The following GRM8 variants were observed in gnomAD, a reference collection of about 807,000 sequenced individuals.
The protein encoded by GRM8 is metabotropic glutamate receptor 8.
GRM8 carries 47 observed loss-of-function variants against 87.2 expected under a neutral mutation model. That is an observed-to-expected ratio of 0.54 (90% CI 0.43 to 0.69). The LOEUF (loss-of-function observed/expected upper bound fraction) is 0.69. GRM8 is among the 30% of genes least tolerant of loss of function. The probability of loss-of-function intolerance (pLI) is 0.00; values close to 1 mark genes in which losing one functional copy is unlikely to be tolerated. For missense variants in GRM8, 1,019 were observed against 1,139.2 expected, an observed-to-expected ratio of 0.89 and a Z score of 1.52; for synonymous variants, 396 against 404.5, an observed-to-expected ratio of 0.98 and a Z score of 0.25.
chr7:126,951,142 A>AT (rs1808098387), intron 3 of GRM8, among the ~76,000 whole-genome samples: 3 of 152,238 alleles, frequency 2.0e-5, no homozygotes, highest in African/African-American at 7.2e-5. Context: ...AGGTAAAAAA[A>AT]GCTAAGTGCA....
In GRM8 at chr7:127,147,231, C is replaced by T. The variant is rs556447969; in HGVS notation, c.511-40519G>A. Among the ~76,000 whole-genome samples the T allele has an allele frequency of 3.3e-5, 5 of 152,048 alleles. No homozygotes were observed. In the East Asian group the frequency reaches 7.8e-4, roughly 24 times the overall value. ...AGCCTCAGAGAGCTAATCAATGTTT[C>T]CCAAGAAGTCTGAACCCCACCACCA... On this transcript the variant is annotated intron_variant, in intron 2 of 10. Coordinates refer to ENST00000339582, the MANE Select transcript of GRM8 (RefSeq NM_000845.3).
At chr7:126,522,420 A>G (rs183924044) in intron 9 of GRM8, among the ~76,000 whole-genome samples, 23 of 152,316 alleles carry the variant, frequency 1.5e-4, no homozygotes, top group Non-Finnish European at 1.0e-4. Context: ...GGTTAAATAT[A>G]CTCGAATCCC....
chr7:127,067,751 C>T lies in GRM8; in HGVS notation c.727+38745G>A, dbSNP rs1035030654. ...ATTTCTTTTATAGCAAAAGTAAACT[C>T]AATCCAATTTAGAATAGTATGTCAG... is the stretch of plus-strand genomic sequence containing the variant. On this transcript the variant is annotated intron_variant, in intron 3 of 10. Transcript: ENST00000339582. Among the ~76,000 whole-genome samples the T allele has an allele frequency of 2.0e-5, 3 of 152,140 alleles. No homozygotes were observed. In the South Asian group the frequency reaches 6.2e-4, roughly 32 times the overall value.
chr7:126,564,891 A>G (rs371047648), intron 8 of GRM8, among the ~76,000 whole-genome samples: 2 of 152,204 alleles, frequency 1.3e-5, no homozygotes, highest in East Asian at 3.8e-4. Flanking sequence ...GCCAATTGGG[A>G]TTTATCCCTG....
chr7:126,953,751 C>A (rs184662344), intron 3 of GRM8, among the ~76,000 whole-genome samples: 19 of 152,162 alleles, frequency 1.2e-4, no homozygotes, highest in Admixed American at 9.2e-4. Context: ...AATGAAGCCT[C>A]CAAGCAACAA....
intron 3 of GRM8, among the ~76,000 whole-genome samples, chr7:127,017,909 GA>G (rs1173670499): frequency 6.6e-6 from 1 of 151,612 alleles, no homozygotes; most frequent in Admixed American, 6.6e-5. Flanking sequence ...TTTTAAAAAA[GA>G]AAAAACAGGA....
chr7:127,112,203 C>T (rs1016816343), intron 2 of GRM8: 2 of 152,164 alleles, frequency 1.3e-5, no homozygotes, highest in East Asian at 3.9e-4. Flanking sequence ...TTTTGTTTCA[C>T]CTGCAGCACT....
chr7:126,542,150 C>T (rs1013316638), intron 8 of GRM8, among the ~76,000 whole-genome samples: 3 of 152,246 alleles, frequency 2.0e-5, no homozygotes, highest in Non-Finnish European at 4.4e-5. Flanking sequence ...GCCTCCAGAA[C>T]TATGAGAAAA....
intron 7 of GRM8, among the ~76,000 whole-genome samples, chr7:126,709,635 C>T (rs1810897622): frequency 6.6e-6 from 1 of 152,042 alleles, no homozygotes; most frequent in Non-Finnish European, 1.5e-5. Context: ...AAATTTAAAA[C>T]AGAGCTACCA....
chr7:127,128,620 A>G (rs1380208632), intron 2 of GRM8, among the ~76,000 whole-genome samples: 1 of 152,198 alleles, frequency 6.6e-6, no homozygotes. Context: ...CAACTATCTT[A>G]TAAAGCAGAT....
intron 7 of GRM8, among the ~76,000 whole-genome samples, chr7:126,628,520 A>ATTT (rs1269412851): frequency 6.6e-6 from 1 of 152,252 alleles, no homozygotes; most frequent in Admixed American, 6.5e-5. Flanking sequence ...GTCAAAATGG[A>ATTT]TGAACTACAG....
chr7:127,084,152 C>T (rs955530245), intron 3 of GRM8: 1 of 152,148 alleles, frequency 6.6e-6, no homozygotes, highest in African/African-American at 2.4e-5. Flanking sequence ...AGTAGGTCTA[C>T]TTTTCCTTGG....
At chr7:127,148,826 G>C (rs1015881969) in intron 2 of GRM8, among the ~76,000 whole-genome samples, 1 of 152,140 alleles carries the variant, frequency 6.6e-6, no homozygotes, top group Admixed American at 6.6e-5. Flanking sequence ...GGCACCAAGG[G>C]AAAACAATGG....
At chr7:127,167,290 T>C (rs2116285826) in intron 2 of GRM8, among the ~76,000 whole-genome samples, 1 of 152,320 alleles carries the variant, frequency 6.6e-6, no homozygotes, top group East Asian at 1.9e-4. Context: ...AGTGATAAAA[T>C]GCTGTTCCCT....
At chr7:127,159,302 T>G (rs750704575) in intron 2 of GRM8, among the ~76,000 whole-genome samples, 1 of 152,210 alleles carries the variant, frequency 6.6e-6, no homozygotes, top group Non-Finnish European at 1.5e-5. Flanking sequence ...AAAGTACTTG[T>G]GAGCACAGAA....
chr7:126,766,651 A>G (rs1818230386), intron 7 of GRM8, among the ~76,000 whole-genome samples: 1 of 152,102 alleles, frequency 6.6e-6, no homozygotes, highest in African/African-American at 2.4e-5. Flanking sequence ...ACCTTCTAAT[A>G]TATAATGTTT....
intron 3 of GRM8, among the ~76,000 whole-genome samples, chr7:127,010,863 C>G (rs1047688818): frequency 6.6e-6 from 1 of 151,700 alleles, no homozygotes; most frequent in Non-Finnish European, 1.5e-5. Context: ...ATATTCAAAG[C>G]CACTTGTTGT....
intron 3 of GRM8, among the ~76,000 whole-genome samples, chr7:126,962,789 A>C (rs995912008): frequency 2.0e-5 from 3 of 152,168 alleles, no homozygotes; most frequent in Non-Finnish European, 4.4e-5. Context: ...TTACTACCAC[A>C]ACCCACATAT....
chr7:126,817,716 G>A (rs1793920154), intron 6 of GRM8, among the ~76,000 whole-genome samples: 1 of 152,058 alleles, frequency 6.6e-6, no homozygotes, highest in Non-Finnish European at 1.5e-5. Flanking sequence ...AGACATTTGA[G>A]GGGAGTGGCT....
Sources: gnomAD v4.1 joint callset for allele counts (sites outside exome capture counted in the v4.1 genomes callset) on GRCh38, gnomAD v4.1.1 for gene constraint, MANE v1.5 for transcripts, NCBI Gene and HGNC (gene_info 2026-07-23, HGNC 2026-07-21) for gene names.